Variants in NECTIN3 observed in about 807,000 individuals in gnomAD.
NECTIN3 encodes the protein nectin-3.
In NECTIN3, 8 loss-of-function variants were observed where a neutral mutation model predicts 49.4. The observed-to-expected ratio is 0.16, with a 90% CI of 0.10 to 0.29. NECTIN3 has a LOEUF of 0.29. Ranked by LOEUF, NECTIN3 falls within the 10% of genes least tolerant of loss-of-function variation. NECTIN3 has a pLI of 1.00. For synonymous variants in NECTIN3, 277 were observed against 241.1 expected (o/e 1.15, Z -1.38); for missense variants, 581 against 654.6 (o/e 0.89, Z 1.23).
At chr3:111,094,119 T>C (rs2032443024) in intron 1 of NECTIN3, among the ~76,000 whole-genome samples, 1 of 151,904 alleles carries the variant, frequency 6.6e-6, no homozygotes, top group Non-Finnish European at 1.5e-5. Context: ...TAATTTTTAT[T>C]TTATATATAT....
rs1276200630 is a variant in NECTIN3 at position 111,072,082 on chromosome 3, C to T, written c.65C>T (p.Ala22Val). The T allele has an allele frequency of 6.5e-7, 1 of 1,549,438 alleles. No homozygotes were observed. Among genetic ancestry groups the T allele is most frequent in the East Asian group, 2.4e-5 (1 of 40,830 alleles). ...PGGGKAQLSS[A>V]SLLGAGLLLQ... ...GGCGGCAAAGCACAACTTTCCTCCG[C>T]TTCTCTCCTCGGAGCCGGGCTCCTG... The change falls in exon 1 of 6, where the codon GCT (alanine) becomes GTT (valine). Residue 22 changes from alanine (A) to valine (V), a missense_variant. By Grantham distance (64) the Ala-to-Val change is moderately conservative. Transcript: ENST00000485303.
At chr3:111,122,367 T>C (rs1490412324) in intron 4 of NECTIN3, 129 bp downstream of exon 4, 2 of 673,468 alleles carry the variant, frequency 3.0e-6, no homozygotes, top group African/African-American at 1.9e-5. Context: ...AAATTTTCTG[T>C]CTTATCCTTC....
At chr3:111,152,407 A>G (rs2107513696) in intron 7 of NECTIN3, among the ~76,000 whole-genome samples, 1 of 152,060 alleles carries the variant, frequency 6.6e-6, no homozygotes, top group African/African-American at 2.4e-5. Context: ...ATGTATATGT[A>G]TACCACTTGA....
In NECTIN3 at chr3:111,072,158, G is replaced by A. The variant is rs373066785; in HGVS notation, c.141G>A (p.Leu47=). 3.2e-5 allele frequency: 50 copies of A among 1,554,546 alleles called. No individual in the cohort carries two copies. The highest frequency in any genetic ancestry group is 4.3e-5 in the Non-Finnish European group (50 of 1,149,872). The change falls in exon 1 of 6, where the codon CTG becomes CTA. Residue 47 remains leucine (L), a synonymous_variant. Transcript: ENST00000485303. The stretch of plus-strand genomic sequence containing the variant: ...TGCTGCTGCTGCTCTTCCCGCTGCT[G>A]CTCTTCTCCAGGCTCTGTGGTAGGT... ...PPLLLLLFPL[L]LFSRLCGALA... is the part of the protein sequence containing the mutation.
At chr3:111,100,233 G>C (rs2107418229) in intron 1 of NECTIN3, among the ~76,000 whole-genome samples, 1 of 152,150 alleles carries the variant, frequency 6.6e-6, no homozygotes, top group Admixed American at 6.5e-5. Flanking sequence ...GACCGTTATA[G>C]AAGGCTATAT....
At chr3:111,138,264 G>C (rs533041341), downstream of NECTIN3, among the ~76,000 whole-genome samples, 5 of 151,262 alleles carry the variant, frequency 3.3e-5, no homozygotes, top group Non-Finnish European at 7.4e-5. Flanking sequence ...AACTATTTTT[G>C]ACCAGGGTTT....
chr3:111,138,268 A>AAAAACT, downstream of NECTIN3, among the ~76,000 whole-genome samples: 1 of 151,680 alleles, frequency 6.6e-6, no homozygotes, highest in East Asian at 1.9e-4. Context: ...ATTTTTGACC[A>AAAAACT]GGGTTTTTCT....
In NECTIN3 at chr3:111,126,347, T is replaced by C. The variant is rs771202325; in HGVS notation, c.1069+12T>C. On this transcript the variant is annotated intron_variant, in intron 5 of 5. Coordinates refer to ENST00000485303, the MANE Select transcript of NECTIN3 (RefSeq NM_015480.3). The stretch of plus-strand genomic sequence containing the variant: ...CATCTACATTTCAGGTAAGTTACTA[T>C]CTGCTTGCAAAATGAGTTATTTAAA... 2.5e-6 allele frequency: 4 copies of C among 1,593,212 alleles called. No homozygotes were observed. Among genetic ancestry groups the C allele is most frequent in the Non-Finnish European group, 3.4e-6 (4 of 1,169,918 alleles).
chr3:111,135,319 TTCC>T lies in NECTIN3; in HGVS notation c.*1109_*1111del. The T allele has an allele frequency of 1.1e-6, 1 of 951,194 alleles. No individual in the cohort carries two copies. The highest frequency in any genetic ancestry group is 6.2e-5 in the Admixed American group (1 of 16,170). 58.9% of individuals were successfully genotyped at this position (951,194 alleles called of 1,614,324 possible). A position where few individuals can be genotyped will look rare whatever the true frequency, so the allele number is the denominator to read the frequency against. ...ATGGACATTGGCATTCATCTCCTTT[TTCC>T]TCCTAAGTGTATGTATGTGTTTTAA... On this transcript the variant is annotated 3_prime_UTR_variant, in exon 6 of 6. Coordinates refer to ENST00000485303, the MANE Select transcript of NECTIN3 (RefSeq NM_015480.3).
intron 3 of NECTIN3, among the ~76,000 whole-genome samples, chr3:111,121,883 T>G (rs2033970462): frequency 6.6e-6 from 1 of 152,160 alleles, no homozygotes; most frequent in Non-Finnish European, 1.5e-5. Flanking sequence ...GCATTTCTAA[T>G]TACTCAAACT....
chr3:111,094,719 C>A (rs914155779), intron 1 of NECTIN3, among the ~76,000 whole-genome samples: 7 of 152,168 alleles, frequency 4.6e-5, no homozygotes, highest in Non-Finnish European at 1.0e-4. Flanking sequence ...TGAAATGTTA[C>A]CAGCCACAGA....
rs528242442 is a variant in NECTIN3, at chr3:111,106,321, GT to G, written c.161-5704del. ...AAGAAATGGTTGGTTTTCTCAACCAGTTTTTGGCATGTGACCCAGGTTTCTC... is the reference window on the plus strand; with the variant it reads ...AAGAAATGGTTGGTTTTCTCAACCAGTTTTGGCATGTGACCCAGGTTTCTC... On this transcript the variant is annotated intron_variant, in intron 1 of 5. Transcript: ENST00000485303. Among the ~76,000 whole-genome samples the G allele has an allele frequency of 2.8e-3, 423 of 152,268 alleles. 2 individuals are homozygous for G. Among genetic ancestry groups the G allele is most frequent in the South Asian group, 0.012 (59 of 4,824 alleles).
chr3:111,115,139 AGTT>A (rs2033638348), intron 2 of NECTIN3, among the ~76,000 whole-genome samples: 1 of 152,218 alleles, frequency 6.6e-6, no homozygotes, highest in Non-Finnish European at 1.5e-5. Flanking sequence ...AGCATTCCTC[AGTT>A]GTTAAACTCA....
At chr3:111,145,692 T>C (rs2107508396) in intron 6 of NECTIN3, among the ~76,000 whole-genome samples, 1 of 152,318 alleles carries the variant, frequency 6.6e-6, no homozygotes, top group South Asian at 2.1e-4. Flanking sequence ...CTCTTCCTAC[T>C]TACCTCACAT....
intron 1 of NECTIN3, chr3:111,072,430 G>A: frequency 6.5e-7 from 1 of 1,532,722 alleles, no homozygotes; most frequent in Admixed American, 2.0e-5. Flanking sequence ...ATGGCCGAGG[G>A]TTGGCGATGG....
chr3:111,102,719 C>T (rs1041261962), intron 1 of NECTIN3, among the ~76,000 whole-genome samples: 4 of 152,052 alleles, frequency 2.6e-5, no homozygotes, highest in Non-Finnish European at 4.4e-5. Context: ...ACATTATTGT[C>T]GTATCTAAGG....
intron 1 of NECTIN3, chr3:111,074,260 TAGTC>T (rs1249801346): frequency 2.2e-6 from 1 of 456,432 alleles, no homozygotes; most frequent in Admixed American, 2.4e-5. Flanking sequence ...AGTAAGCTGT[TAGTC>T]TAACAAGTTG....
intron 1 of NECTIN3, among the ~76,000 whole-genome samples, chr3:111,087,269 C>T (rs1559768669): frequency 6.6e-6 from 1 of 152,120 alleles, no homozygotes; most frequent in African/African-American, 2.4e-5. Context: ...AAAGTGGTGA[C>T]TACAAGCATT....
chr3:111,084,332 A>C (rs1205258395), intron 1 of NECTIN3, among the ~76,000 whole-genome samples: 2 of 152,122 alleles, frequency 1.3e-5, no homozygotes, highest in Non-Finnish European at 2.9e-5. Flanking sequence ...GAAATGATTC[A>C]GTATTGAAGG....
Sources: allele counts gnomAD v4.1 joint callset (sites outside exome capture counted in the v4.1 genomes callset), GRCh38; gene constraint gnomAD v4.1.1; transcripts MANE v1.5; gene names NCBI Gene and HGNC (gene_info 2026-07-23, HGNC 2026-07-21).